The following ESYT2 variants were observed in gnomAD, a reference collection of about 807,000 sequenced individuals.
ESYT2 encodes extended synaptotagmin 2.
Under a neutral mutation model 107.2 loss-of-function variants are expected in ESYT2, and 54 were observed. That is an observed-to-expected ratio of 0.50 (90% CI 0.40 to 0.63). The LOEUF (loss-of-function observed/expected upper bound fraction) is 0.63, where lower values mean the gene tolerates loss of function less well. ESYT2 is among the 30% of genes least tolerant of loss of function. ESYT2 has a pLI of 0.00. For synonymous variants in ESYT2, 491 were observed against 434.1 expected (o/e 1.13, Z -1.63); for missense variants, 1,020 against 1,094.5 (o/e 0.93, Z 0.96).
intron 13 of ESYT2, among the ~76,000 whole-genome samples, chr7:158,757,204 T>A (rs1372175210): frequency 6.6e-6 from 1 of 152,106 alleles, no homozygotes; most frequent in Non-Finnish European, 1.5e-5. Flanking sequence ...TACACAATAG[T>A]TAAAATCATG....
chr7:158,773,624 T>C (rs1838449965), intron 6 of ESYT2, among the ~76,000 whole-genome samples: 1 of 152,188 alleles, frequency 6.6e-6, no homozygotes, highest in Admixed American at 6.5e-5. Context: ...AATCATGAAA[T>C]AATTTATTTA....
In ESYT2 at chr7:158,804,299, TCGAGAAGGG is replaced by T. The variant is rs1563031431; in HGVS notation, c.331-5236_331-5228del. ...TGAGGCGCGCGACAAACCCAAACCG[TCGAGAAGGG>T]TGAGGCGCGCGACAAACCCAAACCG... On this transcript the variant is annotated intron_variant, in intron 1 of 22. Coordinates refer to ENST00000275418, the MANE Select transcript of ESYT2 (RefSeq NM_001367773.1). 4.2e-4 allele frequency among the ~76,000 whole-genome samples: 10 copies of T among 24,052 alleles called. 1 individual carries two copies. The East Asian group carries it at 0.023, about 56-fold the overall frequency. 15.8% of individuals were successfully genotyped at this position (24,052 alleles called of 152,430 possible). A position where few individuals can be genotyped will look rare whatever the true frequency, so the allele number is the denominator to read the frequency against.
intron 11 of ESYT2, 41 bp from the exon 12 acceptor site, chr7:158,760,188 G>C (rs765730308): frequency 1.3e-6 from 2 of 1,577,922 alleles, no homozygotes; most frequent in East Asian, 4.5e-5. Context: ...AAGTTCTTCT[G>C]AATCAAAAAT....
intron 6 of ESYT2, among the ~76,000 whole-genome samples, chr7:158,775,613 G>A (rs1315576279): frequency 6.6e-6 from 1 of 152,164 alleles, no homozygotes; most frequent in African/African-American, 2.4e-5. Context: ...TCCTGAGACT[G>A]CAGCAATTCA....
intron 1 of ESYT2, among the ~76,000 whole-genome samples, chr7:158,813,202 T>C (rs1440121826): frequency 6.6e-6 from 1 of 152,184 alleles, no homozygotes; most frequent in Non-Finnish European, 1.5e-5. Flanking sequence ...ATAATTCCAA[T>C]ATATGACATT....
chr7:158,747,147 G>A lies in ESYT2; in HGVS notation c.1644+1047C>T, dbSNP rs529515868. Among the ~76,000 whole-genome samples the A allele has an allele frequency of 2.6e-5, 4 of 151,972 alleles. No individual in the cohort carries two copies. In the South Asian group the frequency reaches 6.2e-4, roughly 24 times the overall value. On this transcript the variant is annotated intron_variant, in intron 16 of 22. Coordinates refer to ENST00000275418, the MANE Select transcript of ESYT2 (RefSeq NM_001367773.1). ...GATCAGCTGAGGTCAGGAGTTCAAGGCCAAGCCTGGCCAACATGGTGAAAC... is the reference window on the plus strand; with the variant it reads ...GATCAGCTGAGGTCAGGAGTTCAAGACCAAGCCTGGCCAACATGGTGAAAC...
At chr7:158,808,326 G>A (rs965334785) in intron 1 of ESYT2, among the ~76,000 whole-genome samples, 16 of 152,234 alleles carry the variant, frequency 1.1e-4, no homozygotes, top group Non-Finnish European at 1.5e-4. Flanking sequence ...CGGCACGTTC[G>A]CGCCGAGCAT....
intron 3 of ESYT2, among the ~76,000 whole-genome samples, chr7:158,795,544 G>GA (rs1365098646): frequency 6.6e-6 from 1 of 152,192 alleles, no homozygotes; most frequent in Admixed American, 6.5e-5. Flanking sequence ...GGCTGTAGAA[G>GA]AAGGGAGGGA....
At position 158,814,287 on chromosome 7, in the gene ESYT2, T is replaced by A. The variant is rs868403453; in HGVS notation, c.330+14802A>T. ...AGACTCCGTCTCAAAAAAAAAAAAA[T>A]TATATATATATATATATATATATAT... On this transcript the variant is annotated intron_variant, in intron 1 of 22. Coordinates refer to ENST00000275418, the MANE Select transcript of ESYT2 (RefSeq NM_001367773.1). Among the ~76,000 whole-genome samples, 398 of 66,310 alleles carry A rather than the reference T, an allele frequency of 6.0e-3. 12 individuals are homozygous for A. Among genetic ancestry groups the A allele is most frequent in the Middle Eastern group, 0.016 (2 of 128 alleles). 43.5% of individuals were successfully genotyped at this position (66,310 alleles called of 152,430 possible).
chr7:158,754,035 G>T (rs909555335), intron 13 of ESYT2, among the ~76,000 whole-genome samples: 3 of 152,152 alleles, frequency 2.0e-5, no homozygotes, highest in Non-Finnish European at 4.4e-5. Flanking sequence ...GAGAAGCTGT[G>T]TAAGGTAGTG....
rs57124930 is a variant in ESYT2, at chr7:158,778,556, T to C, written c.748-5160A>G. On this transcript the variant is annotated intron_variant, in intron 6 of 22. Coordinates refer to ENST00000275418, the MANE Select transcript of ESYT2 (RefSeq NM_001367773.1). ...TAATAAAAGAATCTCCTCCTATTCC[T>C]GAAATTTCACGTTCCATACTATTAT... 4.8e-3 allele frequency among the ~76,000 whole-genome samples: 724 copies of C among 152,254 alleles called. 45 individuals carry two copies. The East Asian group carries it at 0.12, about 25-fold the overall frequency.
intron 1 of ESYT2, among the ~76,000 whole-genome samples, chr7:158,822,231 A>G: frequency 6.6e-6 from 1 of 152,236 alleles, no homozygotes; most frequent in Non-Finnish European, 1.5e-5. Flanking sequence ...TCTATAATAC[A>G]TGATAAAATT....
chr7:158,787,864 A>G, intron 6 of ESYT2, 140 bp downstream of exon 6: 1 of 617,510 alleles, frequency 1.6e-6, no homozygotes. Flanking sequence ...GAAATACAAA[A>G]AACTCCCACA....
chr7:158,765,579 C>CA (rs1363383622), intron 8 of ESYT2, among the ~76,000 whole-genome samples: 1 of 151,694 alleles, frequency 6.6e-6, no homozygotes, highest in African/African-American at 2.4e-5. Context: ...ACTAAAATTA[C>CA]AAAAAATTTA....
rs1273111295 is a variant in ESYT2, at chr7:158,829,300, A to G, written c.119T>C (p.Leu40Pro). ...SVELPGLLAQ[L>P]ARSFALLLPV... Reference sequence around the variant, plus strand: ...CAGCAGCAGCGCGAAGCTCCGCGCCAGCTGCGCCAGCAGCCCGGGCAGCTC... The same window carrying G: ...CAGCAGCAGCGCGAAGCTCCGCGCCGGCTGCGCCAGCAGCCCGGGCAGCTC... Residue 40 changes from leucine (L) to proline (P), a missense_variant, in exon 1 of 23, where the codon CTG (leucine) becomes CCG (proline). Coordinates refer to ENST00000275418, the MANE Select transcript of ESYT2 (RefSeq NM_001367773.1). 8 of 1,506,820 alleles carry G rather than the reference A, an allele frequency of 5.3e-6. No individual in the cohort carries two copies. The highest frequency in any genetic ancestry group is 1.2e-5 in the South Asian group (1 of 81,606). 93.3% of individuals were successfully genotyped at this position (1,506,820 alleles called of 1,614,324 possible). A position where few individuals can be genotyped will look rare whatever the true frequency, so the allele number is the denominator to read the frequency against.
rs112034110 is a variant in ESYT2, at chr7:158,812,011, C to T, written c.331-12939G>A. Among the ~76,000 whole-genome samples the T allele has an allele frequency of 2.7e-3, 418 of 152,342 alleles. 4 individuals are homozygous for T. The highest frequency in any genetic ancestry group is 9.3e-3 in the African/African-American group (386 of 41,574). ...CTGGACTTTGGGACAGACCAGGAGGCACTTAGGAAACACTGCAGACTCCCA... is the reference window on the plus strand; with the variant it reads ...CTGGACTTTGGGACAGACCAGGAGGTACTTAGGAAACACTGCAGACTCCCA... On this transcript the variant is annotated intron_variant, in intron 1 of 22. Coordinates refer to ENST00000275418, the MANE Select transcript of ESYT2 (RefSeq NM_001367773.1).
intron 3 of ESYT2, 112 bp from the exon 4 acceptor site, chr7:158,793,838 G>T: frequency 1.2e-6 from 1 of 855,880 alleles, no homozygotes; most frequent in Non-Finnish European, 1.8e-6. Flanking sequence ...ACTACAACAG[G>T]AATTAAAATT....
chr7:158,732,365 T>A lies in ESYT2; in HGVS notation c.*1842A>T, dbSNP rs930751018. The stretch of plus-strand genomic sequence containing the variant: ...TAGTTAAATGTTTTGTGTGCATACA[T>A]GTTCGTATTTGTCTATAAAGGTATT... On this transcript the variant is annotated 3_prime_UTR_variant, in exon 23 of 23. Transcript: ENST00000275418. 5.9e-5 allele frequency: 9 copies of A among 152,352 alleles called. No individual in the cohort carries two copies. The highest frequency in any genetic ancestry group is 2.0e-4 in the Admixed American group (3 of 15,306). 9.4% of individuals were successfully genotyped at this position (152,352 alleles called of 1,614,324 possible). A position where few individuals can be genotyped will look rare whatever the true frequency, so the allele number is the denominator to read the frequency against.
chr7:158,787,902 G>A (rs939048867), intron 6 of ESYT2, 102 bp downstream of exon 6: 23 of 875,900 alleles, frequency 2.6e-5, no homozygotes, highest in Non-Finnish European at 3.6e-5. Context: ...AGGGACAACG[G>A]TGAGTTGATA....
Sources: allele counts gnomAD v4.1 joint callset (sites outside exome capture counted in the v4.1 genomes callset), GRCh38; gene constraint gnomAD v4.1.1; transcripts MANE v1.5; gene names NCBI Gene and HGNC (gene_info 2026-07-23, HGNC 2026-07-21).